Variants in F8 observed in about 807,000 individuals in gnomAD.
F8 encodes the protein coagulation factor VIII, also known as antihemophilic factor.
In F8, 12 loss-of-function variants were observed where a neutral mutation model predicts 140.6. The ratio of observed to expected loss-of-function variants is 0.09; its 90% confidence interval spans 0.05 to 0.14. The LOEUF (loss-of-function observed/expected upper bound fraction) is 0.14. Ranked by LOEUF, F8 falls within the 10% of genes least tolerant of loss-of-function variation. F8 has a pLI of 1.00. For missense variants in F8, 1,354 were observed against 1,720.7 expected, an observed-to-expected ratio of 0.79 and a Z score of 3.77; for synonymous variants, 585 against 614.6, an observed-to-expected ratio of 0.95 and a Z score of 0.71.
chrX:154,879,667 T>C (rs1340825775), intron 22 of F8, among the ~76,000 whole-genome samples: 1 of 111,919 alleles, frequency 8.9e-6, no homozygotes, highest in Non-Finnish European at 1.9e-5. Context: ...GCCGCTGATA[T>C]GGTTTGGCTC....
intron 1 of F8, among the ~76,000 whole-genome samples, chrX:155,016,886 T>C (rs1161198523): frequency 2.7e-5 from 3 of 112,596 alleles, no homozygotes; most frequent in African/African-American, 9.7e-5. Flanking sequence ...GTATGTAAAC[T>C]ATACCTGTGG....
chrX:154,910,061 A>G (rs1257622593), intron 14 of F8, among the ~76,000 whole-genome samples: 1 of 111,801 alleles, frequency 8.9e-6, no homozygotes. Context: ...TTTGGTCTGT[A>G]CTAAGAAAAA....
intron 22 of F8, among the ~76,000 whole-genome samples, chrX:154,867,690 C>CAAAAA (rs373471645): frequency 2.2e-4 from 9 of 41,756 alleles, no homozygotes; most frequent in Admixed American, 3.1e-4. Context: ...GACTCTGTCT[C>CAAAAA]AAAAAAAAAA....
chrX:154,869,972 T>C (rs1015055269), intron 22 of F8, among the ~76,000 whole-genome samples: 4 of 111,831 alleles, frequency 3.6e-5, no homozygotes, highest in Non-Finnish European at 5.6e-5. Flanking sequence ...CCTGGACACA[T>C]ACACCCTCCC....
intron 6 of F8, among the ~76,000 whole-genome samples, chrX:154,983,290 A>G (rs2073539686): frequency 1.8e-5 from 2 of 111,827 alleles, no homozygotes; most frequent in African/African-American, 6.5e-5. Context: ...CATCATTACC[A>G]TTTTTAAGTG....
intron 12 of F8, among the ~76,000 whole-genome samples, chrX:154,950,033 G>C (rs2073328663): frequency 1.8e-5 from 2 of 111,845 alleles, no homozygotes; most frequent in Admixed American, 1.9e-4. Context: ...CCAAAATGCT[G>C]GGATTACAGG....
intron 22 of F8, among the ~76,000 whole-genome samples, chrX:154,871,381 G>A (rs2072772480): frequency 8.9e-6 from 1 of 112,011 alleles, no homozygotes; most frequent in African/African-American, 3.2e-5. Flanking sequence ...GGAGGCCTCA[G>A]AAATAACACC....
At chrX:154,912,222 C>T (rs2073072572) in intron 14 of F8, among the ~76,000 whole-genome samples, 1 of 112,013 alleles carries the variant, frequency 8.9e-6, no homozygotes, top group Admixed American at 9.5e-5. Flanking sequence ...CGTTTGTCTA[C>T]TTTTGCTTTA....
At chrX:154,966,326 CTAACCTTAAACA>C (rs1230949617) in intron 8 of F8, 88 bp downstream of exon 8, 1 of 1,073,313 alleles carries the variant, frequency 9.3e-7, no homozygotes, top group African/African-American at 1.9e-5. Context: ...ATACCTGTAC[CTAACCTTAAACA>C]TGGCTTCAGG....
intron 22 of F8, among the ~76,000 whole-genome samples, chrX:154,876,181 G>A (rs782303984): frequency 7.3e-4 from 74 of 102,040 alleles, no homozygotes; most frequent in African/African-American, 2.5e-3. Flanking sequence ...GTGCCGTGGC[G>A]CGATCTCGGC....
chrX:154,902,521 A>C (rs368615742), intron 18 of F8, among the ~76,000 whole-genome samples: 5 of 112,051 alleles, frequency 4.5e-5, no homozygotes, highest in South Asian at 3.8e-4. Flanking sequence ...CAGATAAGTC[A>C]GGGTGAGTTC....
chrX:154,874,103 A>C (rs2072794976), intron 22 of F8, among the ~76,000 whole-genome samples: 1 of 112,608 alleles, frequency 8.9e-6, no homozygotes, highest in South Asian at 3.6e-4. Context: ...GATAATGGGT[A>C]AGAAACTCAA....
At position 154,966,356 on chromosome X, in the gene F8, G is replaced by A. The variant is rs782571705; in HGVS notation, c.1271+70C>T. 1.5e-4 allele frequency: 175 copies of A among 1,157,271 alleles called. No individual in the cohort carries two copies. The African/African-American group carries it at 2.8e-3, about 18-fold the overall frequency. ...CTTAAACATGGCTTCAGGATTTGTT[G>A]GTTTGAATAACTGGTAAGAACTTTT... On this transcript the variant is annotated intron_variant, in intron 8 of 25. Coordinates refer to ENST00000360256, the MANE Select transcript of F8 (RefSeq NM_000132.4).
At chrX:154,958,926 T>C (rs1383356031) in intron 10 of F8, among the ~76,000 whole-genome samples, 1 of 111,838 alleles carries the variant, frequency 8.9e-6, no homozygotes, top group Non-Finnish European at 1.9e-5. Flanking sequence ...GGAAAATTTT[T>C]ATAACCAGTC....
chrX:154,861,047 T>TTC (rs782711069), intron 24 of F8, among the ~76,000 whole-genome samples: 67 of 106,725 alleles, frequency 6.3e-4, no homozygotes, highest in Middle Eastern at 0.01. Flanking sequence ...TTTCCTTTCT[T>TTC]TCTCTCTCTC....
At chrX:154,939,010 C>A (rs1040054371) in intron 13 of F8, among the ~76,000 whole-genome samples, 1 of 110,733 alleles carries the variant, frequency 9.0e-6, no homozygotes, top group African/African-American at 3.3e-5. Flanking sequence ...AAAATGAAGT[C>A]ACGTTGTTTG....
intron 1 of F8, among the ~76,000 whole-genome samples, chrX:155,008,347 CGCAGCAGAAAGGCCCCT>C (rs1160599369): frequency 1.8e-5 from 2 of 112,240 alleles, no homozygotes; most frequent in Non-Finnish European, 3.8e-5. Flanking sequence ...CTCTGGGACC[CGCAGCAGAAAGGCCCCT>C]GCAGCAGAAA....
chrX:154,841,698 C>T (rs986108473), intron 25 of F8, among the ~76,000 whole-genome samples: 15 of 110,879 alleles, frequency 1.4e-4, no homozygotes, highest in Admixed American at 2.9e-4. Context: ...TCTTATTGCA[C>T]TGCTTAGGAC....
intron 1 of F8, among the ~76,000 whole-genome samples, chrX:155,014,319 T>C (rs1557286874): frequency 8.9e-6 from 1 of 111,781 alleles, no homozygotes; most frequent in East Asian, 2.8e-4. Context: ...AATTTACAAG[T>C]AATTGTACTT....
Sources: allele counts gnomAD v4.1 joint callset (sites outside exome capture counted in the v4.1 genomes callset), GRCh38; gene constraint gnomAD v4.1.1; transcripts MANE v1.5; gene names NCBI Gene and HGNC (gene_info 2026-07-23, HGNC 2026-07-21).